Variants in TBL1X observed in about 807,000 individuals in gnomAD.
The protein encoded by TBL1X is transducin beta like 1 X-linked.
A neutral mutation model predicts 50.7 loss-of-function variants in TBL1X; 10 were observed. The observed-to-expected ratio is 0.20, with a 90% confidence interval of 0.12 to 0.33. The LOEUF (loss-of-function observed/expected upper bound fraction) is 0.33, where lower values mean the gene tolerates loss of function less well. Among genes scored for constraint, TBL1X ranks in the 10% least tolerant of loss-of-function variants. TBL1X has a pLI of 1.00. For missense variants in TBL1X, 340 were observed against 504.4 expected (o/e 0.67, Z 3.12); for synonymous variants, 190 against 214.7 (o/e 0.88, Z 1.01).
intron 2 of TBL1X, among the ~76,000 whole-genome samples, chrX:9,578,952 G>T (rs2082426293): frequency 8.9e-6 from 1 of 111,792 alleles, no homozygotes; most frequent in African/African-American, 3.3e-5. Flanking sequence ...TAAGCTATTT[G>T]GCAAACCTGG....
chrX:9,645,786 C>T (rs929018150), intron 3 of TBL1X, among the ~76,000 whole-genome samples: 1 of 111,845 alleles, frequency 8.9e-6, no homozygotes, highest in African/African-American at 3.3e-5. Context: ...ATGCATTTCT[C>T]CCCAAACTTT....
intron 2 of TBL1X, among the ~76,000 whole-genome samples, chrX:9,621,669 A>C (rs2146568734): frequency 8.9e-6 from 1 of 112,482 alleles, no homozygotes; most frequent in East Asian, 2.8e-4. Context: ...TGAACATCGT[A>C]TAACAGCATC....
chrX:9,491,733 A>G (rs1029793207), intron 1 of TBL1X, among the ~76,000 whole-genome samples: 3 of 110,479 alleles, frequency 2.7e-5, no homozygotes, highest in African/African-American at 9.9e-5. Context: ...TGGCATATTG[A>G]TGCTCGGTTT....
At chrX:9,495,794 C>G (rs2081968257) in intron 1 of TBL1X, among the ~76,000 whole-genome samples, 1 of 111,452 alleles carries the variant, frequency 9.0e-6, no homozygotes, top group Non-Finnish European at 1.9e-5. Context: ...GCAAAGTCAC[C>G]CAGAAACTAC....
At chrX:9,473,188 T>G (rs1303983547) in intron 1 of TBL1X, among the ~76,000 whole-genome samples, 1 of 111,646 alleles carries the variant, frequency 9.0e-6, no homozygotes, top group Non-Finnish European at 1.9e-5. Context: ...CAGTTTCAGA[T>G]TGTATTTCCC....
At chrX:9,528,701 G>T (rs1255742093) in intron 2 of TBL1X, among the ~76,000 whole-genome samples, 1 of 100,786 alleles carries the variant, frequency 9.9e-6, no homozygotes, top group African/African-American at 3.7e-5. Context: ...GGGGGAGGGG[G>T]TGGGGTCAGT....
chrX:9,593,776 C>T (rs2082514320), intron 2 of TBL1X, among the ~76,000 whole-genome samples: 1 of 111,504 alleles, frequency 9.0e-6, no homozygotes, highest in African/African-American at 3.3e-5. Context: ...CGTGGCCAGC[C>T]GCCTCCCAAG....
chrX:9,662,963 A>AT (rs1285999768), intron 5 of TBL1X, among the ~76,000 whole-genome samples: 1 of 111,252 alleles, frequency 9.0e-6, no homozygotes, highest in South Asian at 3.8e-4. Context: ...TCTCTTAAAA[A>AT]TTTTTTTTAA....
chrX:9,497,704 G>T (rs1328858373), intron 1 of TBL1X, among the ~76,000 whole-genome samples: 2 of 109,295 alleles, frequency 1.8e-5, no homozygotes, highest in African/African-American at 6.7e-5. Context: ...TGAGACAGGA[G>T]GATTGCTTGA....
chrX:9,492,887 GTGT>G (rs2081953659), intron 1 of TBL1X, among the ~76,000 whole-genome samples: 3 of 32,445 alleles, frequency 9.2e-5, no homozygotes, highest in Non-Finnish European at 1.4e-4. Context: ...GTGTGTGTGT[GTGT>G]GTGTGTGTAG....
At chrX:9,551,849 TTTC>T (rs2146991523) in intron 2 of TBL1X, among the ~76,000 whole-genome samples, 1 of 111,738 alleles carries the variant, frequency 8.9e-6, no homozygotes, top group East Asian at 2.8e-4. Flanking sequence ...TCGAGCATAG[TTTC>T]TCCCCCGGAG....
At chrX:9,485,494 A>G (rs2081906585) in intron 1 of TBL1X, among the ~76,000 whole-genome samples, 1 of 111,485 alleles carries the variant, frequency 9.0e-6, no homozygotes, top group Admixed American at 9.5e-5. Context: ...GCAGGTTTTG[A>G]TGTTAGCAAA....
At chrX:9,646,553 C>T (rs1360017762) in intron 3 of TBL1X, among the ~76,000 whole-genome samples, 1 of 111,649 alleles carries the variant, frequency 9.0e-6, no homozygotes, top group African/African-American at 3.3e-5. Flanking sequence ...AAAGAGGTGC[C>T]CTTTAGAGGC....
At chrX:9,707,341 G>A (rs780370305) in intron 13 of TBL1X, among the ~76,000 whole-genome samples, 154 of 111,996 alleles carry the variant, frequency 1.4e-3, no homozygotes, top group African/African-American at 4.8e-3. Flanking sequence ...TCTTCTCCCG[G>A]TCTAAACTTA....
chrX:9,666,766 A>G (rs1179376343), intron 5 of TBL1X, among the ~76,000 whole-genome samples: 1 of 111,851 alleles, frequency 8.9e-6, no homozygotes, highest in Non-Finnish European at 1.9e-5. Context: ...CCTGGGCTCT[A>G]TAATCTAATA....
chrX:9,580,964 C>A (rs753195440), intron 2 of TBL1X, among the ~76,000 whole-genome samples: 25 of 111,796 alleles, frequency 2.2e-4, no homozygotes, highest in African/African-American at 8.1e-4. Flanking sequence ...GCTTGACCCC[C>A]ACTTCCCGGC....
chrX:9,641,273 G>T (rs989046343), intron 3 of TBL1X, among the ~76,000 whole-genome samples: 1 of 111,911 alleles, frequency 8.9e-6, no homozygotes, highest in Non-Finnish European at 1.9e-5. Flanking sequence ...ATGTGCACAG[G>T]TGTCAAGAGT....
At chrX:9,672,007 T>C (rs1283889760) in intron 5 of TBL1X, among the ~76,000 whole-genome samples, 2 of 112,518 alleles carry the variant, frequency 1.8e-5, no homozygotes, top group Admixed American at 1.9e-4. Context: ...GCCATTCTTA[T>C]GCTCATTAAT....
intron 12 of TBL1X, 130 bp downstream of exon 12, chrX:9,697,559 G>A: frequency 3.2e-6 from 3 of 933,554 alleles, no homozygotes; most frequent in Non-Finnish European, 4.5e-6. Flanking sequence ...ATTGCATGAG[G>A]TCAGGAGTTC....
Sources: gnomAD v4.1 joint callset for allele counts (sites outside exome capture counted in the v4.1 genomes callset) on GRCh38, gnomAD v4.1.1 for gene constraint, MANE v1.5 for transcripts, NCBI Gene and HGNC (gene_info 2026-07-23, HGNC 2026-07-21) for gene names.